CILP: variants seen among roughly 807,000 people sequenced by gnomAD.
The protein encoded by CILP is cartilage intermediate layer protein, also known as cartilage intermediate layer protein 1.
Under a neutral mutation model 82.5 loss-of-function variants are expected in CILP, and 75 were observed. The observed-to-expected ratio is 0.91, with a 90% confidence interval of 0.75 to 1.10. The LOEUF is 1.10. Among genes scored for constraint, CILP ranks in the 50% least tolerant of loss-of-function variants. The pLI, the probability that CILP is intolerant of heterozygous loss-of-function variation, is 0.00. For synonymous variants in CILP, 530 were observed against 580.3 expected (o/e 0.91, Z 1.25); for missense variants, 1,479 against 1,530.8 (o/e 0.97, Z 0.56).
chr15:65,202,108 C>T (rs1009788032), intron 7 of CILP, 79 bp from the exon 8 acceptor site: 14 of 1,236,826 alleles, frequency 1.1e-5, no homozygotes, highest in Non-Finnish European at 1.5e-5. Context: ...GAGCAGGCAG[C>T]CAAGGAGACA....
chr15:65,207,897 A>G, intron 2 of CILP, 133 bp from the exon 3 acceptor site: 1 of 698,330 alleles, frequency 1.4e-6, no homozygotes, highest in Non-Finnish European at 2.5e-6. Context: ...CCACTCTGCT[A>G]CTTATTGCTG....
At chr15:65,207,548 G>A (rs538245742) in intron 3 of CILP, 124 bp downstream of exon 3, 21 of 765,342 alleles carry the variant, frequency 2.7e-5, no homozygotes, top group Non-Finnish European at 4.0e-5. Flanking sequence ...AGAGATGGAG[G>A]CCAAATGCTT....
chr15:65,206,964 T>A lies in CILP; in HGVS notation c.242A>T (p.Tyr81Phe). Reference protein sequence around the residue: ...YERLDAIRFYYGDRVCARPLR... With the variant: ...YERLDAIRFYFGDRVCARPLR... Reference sequence around the variant, plus strand: ...GGGACGGGCACATACACGGTCCCCATAGTAGAAGCGAATGGCGTCCAGCCG... The same window carrying A: ...GGGACGGGCACATACACGGTCCCCAAAGTAGAAGCGAATGGCGTCCAGCCG... Residue 81 changes from tyrosine to phenylalanine, a missense_variant, in exon 4 of 9, where the codon TAT becomes TTT. Tyr to Phe is a conservative substitution (Grantham distance 22). Transcript: ENST00000261883. 1 of 1,614,024 alleles carries A rather than the reference T, an allele frequency of 6.2e-7. No homozygotes were observed. The highest frequency in any genetic ancestry group is 1.1e-5 in the South Asian group (1 of 91,074).
Position 65,207,715 on chromosome 15 carries a change from C to G in CILP, c.111G>C (p.Lys37Asn). The G allele has an allele frequency of 6.2e-7, 1 of 1,614,176 alleles. No individual in the cohort carries two copies. Residue 37 changes from lysine to asparagine, a missense_variant, in exon 3 of 9, where the codon AAG becomes AAC. Transcript: ENST00000261883. ...TQSVRRVQPG[K>N]KNPSIFAKPA... The stretch of plus-strand genomic sequence containing the variant: ...GCTTGGCAAAGATGCTGGGGTTCTT[C>G]TTCCCAGGCTGGACTCTTCTTACTG...
rs143548497 is a variant in CILP at position 65,202,664 on chromosome 15, G to A, written c.1029-635C>T. 2.9e-3 allele frequency among the ~76,000 whole-genome samples: 439 copies of A among 152,032 alleles called. 2 individuals are homozygous for A. Among genetic ancestry groups the A allele is most frequent in the African/African-American group, 0.01 (420 of 41,454 alleles). On this transcript the variant is annotated intron_variant, in intron 7 of 8. Transcript: ENST00000261883. ...ACTGGTCTCGAACTCCTGACCTCAA[G>A]TGACCCACCCTCCTCGGCCTCCCAA...
chr15:65,196,823 G>C lies in CILP; in HGVS notation c.3463C>G (p.Gln1155Glu). ...TGGCCACCCCTGCTCGCTCGCTGCT[G>C]CCTCCTCGAGGGCACTCTTCCTTGG... Reference protein sequence around the residue: ...TVQGRVPSRRQQRASRGGQRQ... With the variant: ...TVQGRVPSRREQRASRGGQRQ... Residue 1155 changes from glutamine to glutamate, a missense_variant, in exon 9 of 9, where the codon CAG (glutamine) becomes GAG (glutamate). By Grantham distance (29) the Gln-to-Glu change is conservative (BLOSUM62 2). Coordinates refer to ENST00000261883, the MANE Select transcript of CILP (RefSeq NM_003613.4). The C allele has an allele frequency of 6.2e-7, 1 of 1,611,458 alleles. No individual in the cohort carries two copies. The highest frequency in any genetic ancestry group is 8.5e-7 in the Non-Finnish European group (1 of 1,178,174).
Position 65,198,836 on chromosome 15 carries a change from G to C in CILP, c.1450C>G (p.Arg484Gly). Residue 484 changes from arginine to glycine, a missense_variant, in exon 9 of 9, where the codon CGG becomes GGG. Transcript: ENST00000261883. ...TKVAKECSCQ[R>G]CTETRSIVRG... is the part of the protein sequence containing the mutation. ...ACGATGCTCCGAGTTTCCGTACACC[G>C]CTGGCAGCTGCACTCCTTGGCCACC... 4 of 1,614,064 alleles carry C rather than the reference G, an allele frequency of 2.5e-6. No homozygotes were observed. Among genetic ancestry groups the C allele is most frequent in the Non-Finnish European group, 3.4e-6 (4 of 1,180,024 alleles).
rs564724533 is a variant in CILP at position 65,207,122 on chromosome 15, C to G, written c.155-71G>C. 5.2e-6 allele frequency: 8 copies of G among 1,533,888 alleles called. No homozygotes were observed. In the Admixed American group the frequency reaches 1.1e-4, roughly 21 times the overall value. Reference sequence around the variant, plus strand: ...CTCCAGTTCTCCTTTCCCTCTCACCCACCCCCAGCTGGCCTCAGGCCCTAT... The same window carrying G: ...CTCCAGTTCTCCTTTCCCTCTCACCGACCCCCAGCTGGCCTCAGGCCCTAT... On this transcript the variant is annotated intron_variant, in intron 3 of 8. Transcript: ENST00000261883.
At position 65,197,647 on chromosome 15, in the gene CILP, T is replaced by G; in HGVS notation, c.2639A>C (p.Lys880Thr). 6.2e-7 allele frequency: 1 copy of G among 1,614,214 alleles called. No individual in the cohort carries two copies. The highest frequency in any genetic ancestry group is 8.5e-7 in the Non-Finnish European group (1 of 1,180,054). Reference sequence around the variant, plus strand: ...CTCCTCAGCTGAGTTGGGCCTTGGCTTGGCCATGCTAATCTGGAAAGCTGT... The same window carrying G: ...CTCCTCAGCTGAGTTGGGCCTTGGCGTGGCCATGCTAATCTGGAAAGCTGT... ...KKTAFQISMA[K>T]PRPNSAEESN... The change falls in exon 9 of 9, where the codon AAG becomes ACG. Residue 880 changes from lysine (K) to threonine (T), a missense_variant. By Grantham distance (78) the Lys-to-Thr change is moderately conservative. Coordinates refer to ENST00000261883, the MANE Select transcript of CILP (RefSeq NM_003613.4).
At chr15:65,209,901 A>T (rs1566998306) in intron 1 of CILP, 40 bp from the exon 2 acceptor site, 18 of 642,850 alleles carry the variant, frequency 2.8e-5, no homozygotes, top group Non-Finnish European at 4.5e-5. Flanking sequence ...ATATTTCTGA[A>T]TCACCGCTTA....
chr15:65,200,329 A>T (rs2088433613), intron 8 of CILP, among the ~76,000 whole-genome samples: 1 of 152,196 alleles, frequency 6.6e-6, no homozygotes, highest in Non-Finnish European at 1.5e-5. Flanking sequence ...ACCACTGCTG[A>T]GGGCTCCATA....
In CILP at chr15:65,197,468, C is replaced by T. The variant is rs1363691307; in HGVS notation, c.2818G>A (p.Asp940Asn). 1 of 1,614,256 alleles carries T rather than the reference C, an allele frequency of 6.2e-7. No homozygotes were observed. Among genetic ancestry groups the T allele is most frequent in the Admixed American group, 1.7e-5 (1 of 60,034 alleles). Residue 940 changes from aspartate (D) to asparagine (N), a missense_variant, in exon 9 of 9, where the codon GAC (aspartate) becomes AAC (asparagine). Asp to Asn is a conservative substitution (Grantham distance 23). Coordinates refer to ENST00000261883, the MANE Select transcript of CILP (RefSeq NM_003613.4). ...GGCTTTGGCCACCATGCCAGATAGT[C>T]TTCAGTCCAGCTCATAGGGTCATCT... ...NEDDPMSWTE[D>N]YLAWWPKPME...
At chr15:65,203,642 C>T (rs572716818) in intron 6 of CILP, among the ~76,000 whole-genome samples, 172 bp from the exon 7 acceptor site, 2 of 152,294 alleles carry the variant, frequency 1.3e-5, no homozygotes, top group African/African-American at 4.8e-5. Context: ...TGGAGTCTAT[C>T]CTTCCACACC....
Position 65,197,577 on chromosome 15 carries a change from T to C in CILP, c.2709A>G (p.Glu903=), listed in dbSNP as rs1470813491. Residue 903 remains glutamate, a synonymous_variant, in exon 9 of 9, where the codon GAA becomes GAG. Transcript: ENST00000261883. ...AGTGGGCTGCACTGGGTGGTGCCTCTTCACATGCCCGGAGGTTCTCAAAGG... is the reference window on the plus strand; with the variant it reads ...AGTGGGCTGCACTGGGTGGTGCCTCCTCACATGCCCGGAGGTTCTCAAAGG... ...IYAFENLRAC[E]EAPPSAAHFR... The C allele has an allele frequency of 6.2e-7, 1 of 1,614,230 alleles. No homozygotes were observed. Among genetic ancestry groups the C allele is most frequent in the Non-Finnish European group, 8.5e-7 (1 of 1,180,038 alleles).
intron 6 of CILP, among the ~76,000 whole-genome samples, chr15:65,203,882 A>G (rs1039876954): frequency 6.6e-6 from 1 of 152,238 alleles, no homozygotes; most frequent in Non-Finnish European, 1.5e-5. Flanking sequence ...CAAACCGCAC[A>G]CTATATTGTA....
intron 4 of CILP, among the ~76,000 whole-genome samples, chr15:65,205,886 C>T (rs188509900): frequency 5.3e-5 from 8 of 152,310 alleles, no homozygotes; most frequent in African/African-American, 1.9e-4. Flanking sequence ...CCATTTCTGC[C>T]CACCTTCCTC....
chr15:65,197,913 C>G lies in CILP; in HGVS notation c.2373G>C (p.Arg791Ser), dbSNP rs1189123699. ...TGACACTGTCAAAGCGGCCCCAGGCCCTAGGGTTGGACAAGAAGCCAGTTC... is the reference window on the plus strand; with the variant it reads ...TGACACTGTCAAAGCGGCCCCAGGCGCTAGGGTTGGACAAGAAGCCAGTTC... ...EPRTGFLSNP[R>S]AWGRFDSVIT... The change falls in exon 9 of 9, where the codon AGG becomes AGC. Residue 791 changes from arginine to serine, a missense_variant. By Grantham distance (110) the Arg-to-Ser change is moderately radical. Coordinates refer to ENST00000261883, the MANE Select transcript of CILP (RefSeq NM_003613.4). The G allele has an allele frequency of 6.2e-7, 1 of 1,613,990 alleles. No individual in the cohort carries two copies. Among genetic ancestry groups the G allele is most frequent in the African/African-American group, 1.3e-5 (1 of 74,886 alleles).
chr15:65,197,297 C>T lies in CILP; in HGVS notation c.2989G>A (p.Asp997Asn), dbSNP rs754332108. Residue 997 changes from aspartate (D) to asparagine (N), a missense_variant, in exon 9 of 9, where the codon GAC (aspartate) becomes AAC (asparagine). Coordinates refer to ENST00000261883, the MANE Select transcript of CILP (RefSeq NM_003613.4). ...CAGGCAGCTGAGACATTGGGCTGGT[C>T]CCTGTCCCGAGTGCTCCTCACATCT... is the stretch of plus-strand genomic sequence containing the variant. ...IRDVRSTRDR[D>N]QPNVSAACLE... 2 of 1,614,052 alleles carry T rather than the reference C, an allele frequency of 1.2e-6. No homozygotes were observed. Among genetic ancestry groups the T allele is most frequent in the East Asian group, 4.5e-5 (2 of 44,876 alleles).
intron 8 of CILP, among the ~76,000 whole-genome samples, chr15:65,199,417 T>G (rs2088423813): frequency 6.6e-6 from 1 of 152,222 alleles, no homozygotes; most frequent in African/African-American, 2.4e-5. Context: ...GGGCCATTGA[T>G]GTTCTATGTC....
Sources: gnomAD v4.1 joint callset for allele counts (sites outside exome capture counted in the v4.1 genomes callset) on GRCh38, gnomAD v4.1.1 for gene constraint, MANE v1.5 for transcripts, NCBI Gene and HGNC (gene_info 2026-07-23, HGNC 2026-07-21) for gene names.